The following SMYD2 variants were observed in gnomAD, a reference collection of about 807,000 sequenced individuals.
SMYD2 encodes N-lysine methyltransferase SMYD2.
A neutral mutation model predicts 59.1 loss-of-function variants in SMYD2; 53 were observed. That is an observed-to-expected ratio of 0.90 (90% CI 0.72 to 1.13). SMYD2 has a LOEUF of 1.13. SMYD2 is among the 50% of genes most tolerant of loss of function. The pLI is 0.00. For synonymous variants in SMYD2, 208 were observed against 198.8 expected (o/e 1.05, Z -0.39); for missense variants, 494 against 544.7 (o/e 0.91, Z 0.93).
intron 10 of SMYD2, chr1:214,333,642 G>A (rs1657392790): frequency 6.5e-6 from 1 of 152,868 alleles, no homozygotes. Context: ...TAAAGCCCCT[G>A]CTGGACAATG....
Position 214,319,807 on chromosome 1 carries a change from A to T in SMYD2, c.534+824A>T, listed in dbSNP as rs562430885. ...TTAAAGTGACCTTCCCAGGTAGAGAAATATTAGAATTCTGCTCCATGGGAG... is the reference window on the plus strand; with the variant it reads ...TTAAAGTGACCTTCCCAGGTAGAGATATATTAGAATTCTGCTCCATGGGAG... On this transcript the variant is annotated intron_variant, in intron 5 of 11. Transcript: ENST00000366957. Among the ~76,000 whole-genome samples, 3 of 152,322 alleles carry T rather than the reference A, an allele frequency of 2.0e-5. No individual in the cohort carries two copies. In the South Asian group the frequency reaches 6.2e-4, roughly 32 times the overall value.
intron 11 of SMYD2, 50 bp downstream of exon 11, chr1:214,334,358 T>G: frequency 2.0e-6 from 3 of 1,495,012 alleles, no homozygotes; most frequent in Non-Finnish European, 2.8e-6. Flanking sequence ...ATGGCCTCCT[T>G]AGCGCACCTC....
At position 214,336,859 on chromosome 1, in the gene SMYD2, A is replaced by G; in HGVS notation, c.*75A>G. ...AAAGGATTTGAATATTTCAAATTGCACACGTCACTCCAGCATCTCTGTAAA... is the reference window on the plus strand; with the variant it reads ...AAAGGATTTGAATATTTCAAATTGCGCACGTCACTCCAGCATCTCTGTAAA... On this transcript the variant is annotated 3_prime_UTR_variant, in exon 12 of 12. Coordinates refer to ENST00000366957, the MANE Select transcript of SMYD2 (RefSeq NM_020197.3). The G allele has an allele frequency of 4.7e-6, 6 of 1,269,462 alleles. No individual in the cohort carries two copies. Among genetic ancestry groups the G allele is most frequent in the Non-Finnish European group, 6.7e-6 (6 of 893,866 alleles). The allele number at this position is 1,269,462 out of a possible 1,614,324, so 78.6% of individuals were successfully genotyped here.
chr1:214,293,007 CTGTTTGTG>C (rs1656660539), intron 1 of SMYD2, among the ~76,000 whole-genome samples: 2 of 136,898 alleles, frequency 1.5e-5, no homozygotes, highest in South Asian at 2.5e-4. Context: ...TTATCTTTTT[CTGTTTGTG>C]TGTGTGTGTG....
chr1:214,289,336 A>G (rs1656600200), intron 1 of SMYD2, among the ~76,000 whole-genome samples: 1 of 152,202 alleles, frequency 6.6e-6, no homozygotes, highest in Non-Finnish European at 1.5e-5. Context: ...TTTCCCTGTC[A>G]GTATAAAAAT....
intron 1 of SMYD2, among the ~76,000 whole-genome samples, chr1:214,303,294 C>G (rs1006790881): frequency 1.3e-5 from 2 of 152,196 alleles, no homozygotes; most frequent in Non-Finnish European, 2.9e-5. Flanking sequence ...TGCTTTTCCT[C>G]CCCTGGGCAT....
At chr1:214,290,230 G>A (rs1267494552) in intron 1 of SMYD2, among the ~76,000 whole-genome samples, 2 of 152,138 alleles carry the variant, frequency 1.3e-5, no homozygotes, top group South Asian at 4.1e-4. Flanking sequence ...AGTCTTGAAG[G>A]TTCAGGAAAC....
chr1:214,281,550 G>A (rs1039520021), intron 1 of SMYD2, 123 bp downstream of exon 1: 2 of 900,684 alleles, frequency 2.2e-6, no homozygotes, highest in Non-Finnish European at 2.8e-6. Flanking sequence ...GGGGCGGGGT[G>A]GGGGGCGGGG....
intron 1 of SMYD2, among the ~76,000 whole-genome samples, chr1:214,293,163 C>A (rs1558048859): frequency 6.6e-6 from 1 of 151,992 alleles, no homozygotes; most frequent in African/African-American, 2.4e-5. Context: ...AGCGATTCTC[C>A]CGCTTCAGTC....
intron 9 of SMYD2, chr1:214,331,386 C>A: frequency 3.7e-6 from 1 of 273,498 alleles, no homozygotes; most frequent in Non-Finnish European, 7.1e-6. Flanking sequence ...TGCCAAGGGC[C>A]TTGCTTATTT....
At chr1:214,286,311 A>T (rs985853) in intron 1 of SMYD2, among the ~76,000 whole-genome samples, 60,863 of 151,688 alleles carry the variant, frequency 0.4, 13,158 homozygotes, top group African/African-American at 0.57. Context: ...TACAAAAAAA[A>T]TTTTATTTAG....
At chr1:214,281,477 G>T (rs773815337) in intron 1 of SMYD2, 50 bp downstream of exon 1, 3 of 1,302,820 alleles carry the variant, frequency 2.3e-6, no homozygotes, top group South Asian at 2.5e-5. Context: ...GGCGCCGAGC[G>T]GGAGGCTTGG....
intron 3 of SMYD2, among the ~76,000 whole-genome samples, chr1:214,316,006 C>T (rs749995765): frequency 1.3e-5 from 2 of 152,154 alleles, no homozygotes; most frequent in African/African-American, 2.4e-5. Flanking sequence ...ACCTAATCTT[C>T]GAAGGGCCAA....
chr1:214,331,203 G>A, intron 9 of SMYD2, 133 bp downstream of exon 9: 2 of 1,285,840 alleles, frequency 1.6e-6, no homozygotes, highest in Non-Finnish European at 2.1e-6. Flanking sequence ...CCTAGTAAAT[G>A]TGTAAAGGCG....
chr1:214,304,716 G>C (rs1414247258), intron 1 of SMYD2, among the ~76,000 whole-genome samples: 1 of 152,136 alleles, frequency 6.6e-6, no homozygotes, highest in Non-Finnish European at 1.5e-5. Flanking sequence ...ACTCACATGG[G>C]ATTTTCACCA....
At chr1:214,286,749 CAAAAAAAAA>C (rs5780769) in intron 1 of SMYD2, among the ~76,000 whole-genome samples, 1 of 72,064 alleles carries the variant, frequency 1.4e-5, no homozygotes, top group South Asian at 6.2e-4. Flanking sequence ...GCCTCCATCT[CAAAAAAAAA>C]AAAAAAAAAA....
Position 214,318,164 on chromosome 1 carries a change from G to C in SMYD2, c.409+25G>C. On this transcript the variant is annotated intron_variant, in intron 4 of 11. Coordinates refer to ENST00000366957, the MANE Select transcript of SMYD2 (RefSeq NM_020197.3). This position sits in a 1 kb window ranked among gnomAD's most constrained non-coding sequence, Gnocchi z 5.4. ...CGTAAGTCTTTCTGTGACCAGCCGC[G>C]CAGTTCTCTCAGCCACAGATTTCAC... is the stretch of plus-strand genomic sequence containing the variant. 1 of 1,610,148 alleles carries C rather than the reference G, an allele frequency of 6.2e-7. No individual in the cohort carries two copies. The highest frequency in any genetic ancestry group is 1.1e-5 in the South Asian group (1 of 90,394).
In SMYD2 at chr1:214,310,148, A is replaced by G. The variant is rs539719510; in HGVS notation, c.238-4614A>G. Among the ~76,000 whole-genome samples, 19 of 152,386 alleles carry G rather than the reference A, an allele frequency of 1.2e-4. No homozygotes were observed. The East Asian group carries it at 3.5e-3, about 28-fold the overall frequency. ...TTTGCTCAGCAGAAAACTGGATGCCATAATAATCACTCTTTTCTTCCAGTG... is the reference window on the plus strand; with the variant it reads ...TTTGCTCAGCAGAAAACTGGATGCCGTAATAATCACTCTTTTCTTCCAGTG... On this transcript the variant is annotated intron_variant, in intron 2 of 11. Transcript: ENST00000366957.
chr1:214,331,102 A>G (rs1657345741), intron 9 of SMYD2, 32 bp downstream of exon 9: 1 of 1,606,964 alleles, frequency 6.2e-7, no homozygotes, highest in African/African-American at 1.3e-5. Context: ...ATAGCTTATT[A>G]TCCCTCGCCA....
Sources: gnomAD v4.1 joint callset for allele counts (sites outside exome capture counted in the v4.1 genomes callset) on GRCh38, gnomAD v4.1.1 for gene constraint, Gnocchi (gnomAD v3.1) non-coding constraint, MANE v1.5 for transcripts, NCBI Gene and HGNC (gene_info 2026-07-23, HGNC 2026-07-21) for gene names.